The following ADAMTSL1 variants were observed in gnomAD, a reference collection of about 807,000 sequenced individuals.
The protein encoded by ADAMTSL1 is ADAMTS like 1, also known as ADAMTS-like protein 1.
ADAMTSL1 carries 126 observed loss-of-function variants against 201.8 expected under a neutral mutation model. The ratio of observed to expected loss-of-function variants is 0.62; its 90% confidence interval spans 0.54 to 0.72. The LOEUF is 0.72. ADAMTSL1 is among the 30% of genes least tolerant of loss of function. ADAMTSL1 has a pLI of 0.00. For synonymous variants in ADAMTSL1, 1,121 were observed against 903.4 expected, an observed-to-expected ratio of 1.24 and a Z score of -4.32; for missense variants, 2,679 against 2,277.8, an observed-to-expected ratio of 1.18 and a Z score of -3.59.
At chr9:18,320,066 A>G (rs1306211692) in intron 2 of ADAMTSL1, among the ~76,000 whole-genome samples, 2 of 152,060 alleles carry the variant, frequency 1.3e-5, no homozygotes, top group East Asian at 3.9e-4. Flanking sequence ...TCTGACAGCC[A>G]GCAAGGAGAC....
intron 4 of ADAMTSL1, among the ~76,000 whole-genome samples, chr9:18,610,598 A>G (rs972964275): frequency 6.6e-6 from 1 of 152,200 alleles, no homozygotes; most frequent in African/African-American, 2.4e-5. Context: ...CAGGATATCG[A>G]TAGCACTGTC....
chr9:18,066,322 A>G (rs1201393999), intron 1 of ADAMTSL1, among the ~76,000 whole-genome samples: 3 of 152,206 alleles, frequency 2.0e-5, no homozygotes, highest in Non-Finnish European at 4.4e-5. Flanking sequence ...TAGCATCACC[A>G]GGGTAACTAG....
intron 21 of ADAMTSL1, among the ~76,000 whole-genome samples, chr9:18,825,034 G>A (rs1824458581): frequency 6.6e-6 from 1 of 152,094 alleles, no homozygotes; most frequent in Non-Finnish European, 1.5e-5. Flanking sequence ...ATACATGCCA[G>A]TGAGTTCTAT....
At chr9:18,733,628 T>TCCC (rs201340560) in intron 15 of ADAMTSL1, among the ~76,000 whole-genome samples, 9 of 103,786 alleles carry the variant, frequency 8.7e-5, no homozygotes, top group East Asian at 2.9e-4. Flanking sequence ...ACACCACCAC[T>TCCC]CCCCCCACAC....
In ADAMTSL1 at chr9:18,892,328, G is replaced by A. The variant is rs1414032862; in HGVS notation, c.4644-61G>A. On this transcript the variant is annotated intron_variant, in intron 25 of 28. Transcript: ENST00000380548. ...AGAGCAGGGATGTCGGTGGGGAGGA[G>A]GTCTCTTTTCCCCAGGGCCTGTCCC... 4.6e-6 allele frequency: 7 copies of A among 1,517,720 alleles called. No homozygotes were observed. The South Asian group carries it at 6.0e-5, about 13-fold the overall frequency. The allele number at this position is 1,517,720 out of a possible 1,614,324, so 94.0% of individuals were successfully genotyped here.
intron 1 of ADAMTSL1, among the ~76,000 whole-genome samples, chr9:17,945,535 T>G (rs1827425863): frequency 6.6e-6 from 1 of 151,932 alleles, no homozygotes; most frequent in South Asian, 2.1e-4. Context: ...ATTGCGGCAT[T>G]ATTCACAACA....
At chr9:18,241,633 C>G (rs1831067156) in intron 2 of ADAMTSL1, among the ~76,000 whole-genome samples, 1 of 151,864 alleles carries the variant, frequency 6.6e-6, no homozygotes, top group South Asian at 2.1e-4. Context: ...CAAACCTTAG[C>G]TAGTCTAAAC....
In ADAMTSL1 at chr9:18,046,117, G is replaced by A. The variant is rs555196905; in HGVS notation, c.88-117745G>A. Among the ~76,000 whole-genome samples, 5 of 152,280 alleles carry A rather than the reference G, an allele frequency of 3.3e-5. No individual in the cohort carries two copies. The East Asian group carries it at 9.7e-4, about 29-fold the overall frequency. Reference sequence around the variant, plus strand: ...AAGCAAAACCACAGTGGGATTTTAAGGGAATGGCAAGTTGAGGCTAAATTG... The same window carrying A: ...AAGCAAAACCACAGTGGGATTTTAAAGGAATGGCAAGTTGAGGCTAAATTG... On this transcript the variant is annotated intron_variant, in intron 1 of 29. Coordinates refer to the ADAMTSL1 transcript ENST00000680146.
At chr9:18,903,866 T>A (rs1457616861) in intron 26 of ADAMTSL1, among the ~76,000 whole-genome samples, 3 of 150,544 alleles carry the variant, frequency 2.0e-5, no homozygotes, top group Non-Finnish European at 4.4e-5. Flanking sequence ...AAAAAAAAAA[T>A]GTATAAGTGG....
At chr9:17,986,967 A>G (rs965849047) in intron 1 of ADAMTSL1, among the ~76,000 whole-genome samples, 1 of 152,132 alleles carries the variant, frequency 6.6e-6, no homozygotes. Context: ...TTAGTGTTTT[A>G]TGAGTCAGAT....
At chr9:18,216,221 G>A (rs1352950074) in intron 2 of ADAMTSL1, among the ~76,000 whole-genome samples, 2 of 152,154 alleles carry the variant, frequency 1.3e-5, no homozygotes, top group Non-Finnish European at 2.9e-5. Flanking sequence ...GTTGTTCGTT[G>A]TCAAAACTGC....
upstream of ADAMTSL1, among the ~76,000 whole-genome samples, chr9:18,470,123 A>G (rs1821149920): frequency 6.6e-6 from 1 of 152,216 alleles, no homozygotes; most frequent in Non-Finnish European, 1.5e-5. Context: ...AGCCTTTGAT[A>G]GAGCCCCAAA....
Position 18,826,357 on chromosome 9 carries a change from C to G in ADAMTSL1, c.4008C>G (p.Gly1336=). The G allele has an allele frequency of 6.2e-7, 1 of 1,613,580 alleles. No homozygotes were observed. Among genetic ancestry groups the G allele is most frequent in the Non-Finnish European group, 8.5e-7 (1 of 1,179,780 alleles). ...GCTCCCCGCACCATCTGCACGAAGG[C>G]TCCTTGCTGCTCACAAACGTGTCCT... ...KLGSPHHLHE[G]SLLLTNVSSS... is the part of the protein sequence containing the mutation. Residue 1336 remains glycine, a synonymous_variant, in exon 22 of 29, where the codon GGC becomes GGG. Coordinates refer to ENST00000380548, the MANE Select transcript of ADAMTSL1 (RefSeq NM_001040272.6).
intron 1 of ADAMTSL1, among the ~76,000 whole-genome samples, chr9:18,161,967 G>A (rs996912389): frequency 1.1e-4 from 17 of 152,006 alleles, no homozygotes; most frequent in Non-Finnish European, 1.3e-4. Context: ...GCCTTTCAGT[G>A]ACTGTATTAG....
At chr9:18,748,488 C>G (rs1819270546) in intron 15 of ADAMTSL1, among the ~76,000 whole-genome samples, 1 of 152,264 alleles carries the variant, frequency 6.6e-6, no homozygotes, top group East Asian at 1.9e-4. Flanking sequence ...AATATTTACA[C>G]AAAGTGGGAT....
chr9:18,783,406 C>A (rs546042264), intron 19 of ADAMTSL1, among the ~76,000 whole-genome samples: 1 of 152,284 alleles, frequency 6.6e-6, no homozygotes, highest in South Asian at 2.1e-4. Flanking sequence ...GAAACTCTTT[C>A]TACGGTAGGG....
intron 2 of ADAMTSL1, among the ~76,000 whole-genome samples, chr9:18,346,537 A>G (rs2132997129): frequency 6.6e-6 from 1 of 152,298 alleles, no homozygotes; most frequent in South Asian, 2.1e-4. Context: ...CATATGAAGA[A>G]AACCCTAGCA....
intron 16 of ADAMTSL1, among the ~76,000 whole-genome samples, chr9:18,755,753 T>A (rs1323695114): frequency 2.6e-5 from 4 of 152,076 alleles, no homozygotes; most frequent in African/African-American, 9.7e-5. Flanking sequence ...TGAATTTACT[T>A]TGAAAGCTTT....
At chr9:18,829,116 G>A (rs984925822) in intron 22 of ADAMTSL1, among the ~76,000 whole-genome samples, 2 of 152,070 alleles carry the variant, frequency 1.3e-5, no homozygotes, top group Non-Finnish European at 2.9e-5. Context: ...GCAGGTTCTT[G>A]GCTCTTTATT....
Sources: gnomAD v4.1 joint callset for allele counts (sites outside exome capture counted in the v4.1 genomes callset) on GRCh38, gnomAD v4.1.1 for gene constraint, MANE v1.5 for transcripts, NCBI Gene and HGNC (gene_info 2026-07-23, HGNC 2026-07-21) for gene names.